ASTN2: variants seen among roughly 807,000 people sequenced by gnomAD.
The protein encoded by ASTN2 is astrotactin-2.
In ASTN2, 54 loss-of-function variants were observed where a neutral mutation model predicts 139.8. The observed-to-expected ratio is 0.39, with a 90% CI of 0.31 to 0.48. ASTN2 has a LOEUF of 0.48. Ranked by LOEUF, ASTN2 falls within the 20% of genes least tolerant of loss-of-function variation. ASTN2 has a pLI of 0.95. For missense variants in ASTN2, 1,565 were observed against 1,725.1 expected, an observed-to-expected ratio of 0.91 and a Z score of 1.64; for synonymous variants, 756 against 719.5, an observed-to-expected ratio of 1.05 and a Z score of -0.81.
chr9:116,728,880 C>T, intron 15 of ASTN2, 112 bp downstream of exon 15: 1 of 857,632 alleles, frequency 1.2e-6, no homozygotes, highest in East Asian at 2.7e-5. Flanking sequence ...AGGATGCATC[C>T]TCATTTCCTC....
intron 5 of ASTN2, among the ~76,000 whole-genome samples, chr9:117,053,308 T>C (rs1275429878): frequency 6.6e-6 from 1 of 151,942 alleles, no homozygotes; most frequent in Non-Finnish European, 1.5e-5. Context: ...AAAAACTAGC[T>C]GGATGTGGTT....
chr9:116,900,330 A>G (rs1186802788), intron 10 of ASTN2, among the ~76,000 whole-genome samples: 2 of 152,134 alleles, frequency 1.3e-5, no homozygotes, highest in East Asian at 3.9e-4. Flanking sequence ...GAAAGAAGAC[A>G]TCAAGATTCA....
rs112568284 is a variant in ASTN2 at position 116,809,376 on chromosome 9, G to T, written c.2208-3556C>A. Among the ~76,000 whole-genome samples, 1,076 of 151,616 alleles carry T rather than the reference G, an allele frequency of 7.1e-3. 13 individuals are homozygous for T. The highest frequency in any genetic ancestry group is 0.025 in the African/African-American group (1,015 of 41,344). ...TTGAAATGTTATTTTTTTTTTACAC[G>T]TGCAATCCCTACATATGCCATATAT... On this transcript the variant is annotated intron_variant, in intron 12 of 22. Transcript: ENST00000313400.
chr9:117,394,072 C>G (rs970111302), intron 1 of ASTN2, among the ~76,000 whole-genome samples: 3 of 152,166 alleles, frequency 2.0e-5, no homozygotes, highest in African/African-American at 7.2e-5. Flanking sequence ...TTGCCTTAAA[C>G]TTGCATTTTC....
intron 17 of ASTN2, among the ~76,000 whole-genome samples, chr9:116,634,743 T>C (rs933881208): frequency 2.0e-5 from 3 of 152,192 alleles, no homozygotes; most frequent in South Asian, 2.1e-4. Context: ...GAAAACAATA[T>C]GGCACTGGAA....
At chr9:116,911,811 C>T (rs1471979051) in intron 10 of ASTN2, among the ~76,000 whole-genome samples, 4 of 152,176 alleles carry the variant, frequency 2.6e-5, no homozygotes, top group Non-Finnish European at 4.4e-5. Flanking sequence ...AGGAGAATGA[C>T]GTGAACCCAG....
At chr9:117,067,803 CTGTT>C (rs1169816599) in intron 5 of ASTN2, among the ~76,000 whole-genome samples, 3 of 98,982 alleles carry the variant, frequency 3.0e-5, no homozygotes, top group Non-Finnish European at 6.9e-5. Context: ...ATTTGGCTCT[CTGTT>C]TGTCTGTTGT....
intron 3 of ASTN2, among the ~76,000 whole-genome samples, chr9:117,178,373 G>A (rs1192281849): frequency 6.6e-6 from 1 of 152,228 alleles, no homozygotes; most frequent in African/African-American, 2.4e-5. Flanking sequence ...AAGGAGATGG[G>A]TAGGGAAGTG....
intron 19 of ASTN2, among the ~76,000 whole-genome samples, chr9:116,503,294 C>T (rs1410503269): frequency 6.6e-6 from 1 of 151,846 alleles, no homozygotes; most frequent in Non-Finnish European, 1.5e-5. Flanking sequence ...CACCGCTACT[C>T]GGGGCAGATG....
chr9:117,255,395 C>T (rs1299186747), intron 2 of ASTN2, among the ~76,000 whole-genome samples: 1 of 152,202 alleles, frequency 6.6e-6, no homozygotes, highest in Non-Finnish European at 1.5e-5. Context: ...ACTTTTAACC[C>T]ACACTGTTCC....
At chr9:116,693,194 G>A (rs1420700334) in intron 16 of ASTN2, among the ~76,000 whole-genome samples, 1 of 152,124 alleles carries the variant, frequency 6.6e-6, no homozygotes, top group African/African-American at 2.4e-5. Flanking sequence ...ATCAGGCTAA[G>A]TACTTTATAT....
At chr9:116,789,087 C>T (rs1330573396) in intron 13 of ASTN2, among the ~76,000 whole-genome samples, 1 of 152,118 alleles carries the variant, frequency 6.6e-6, no homozygotes, top group Non-Finnish European at 1.5e-5. Context: ...CTCACTAACT[C>T]CTAAGAAGTA....
chr9:117,143,433 G>C (rs989148056), intron 3 of ASTN2, among the ~76,000 whole-genome samples: 2 of 152,164 alleles, frequency 1.3e-5, no homozygotes, highest in South Asian at 4.1e-4. Flanking sequence ...GCTATACTTT[G>C]GTCAAAAGTC....
At chr9:117,267,426 G>T (rs1833961980) in intron 2 of ASTN2, among the ~76,000 whole-genome samples, 1 of 152,124 alleles carries the variant, frequency 6.6e-6, no homozygotes, top group African/African-American at 2.4e-5. Flanking sequence ...ACAGGGGAAA[G>T]CTCAGAAAGA....
intron 2 of ASTN2, among the ~76,000 whole-genome samples, chr9:117,219,898 T>C (rs1453355724): frequency 6.6e-6 from 1 of 152,132 alleles, no homozygotes; most frequent in Non-Finnish European, 1.5e-5. Flanking sequence ...GGCAGAGTGC[T>C]CTGATGGGGA....
At chr9:117,045,710 A>C (rs1300389179) in intron 5 of ASTN2, among the ~76,000 whole-genome samples, 1 of 152,176 alleles carries the variant, frequency 6.6e-6, no homozygotes, top group African/African-American at 2.4e-5. Context: ...TTTATAATGA[A>C]AAAATAGATC....
chr9:117,003,953 C>CGCGCGCGCGCGCGCGTGTGTGTGT (rs1218309835), intron 7 of ASTN2, among the ~76,000 whole-genome samples: 7 of 146,226 alleles, frequency 4.8e-5, no homozygotes, highest in African/African-American at 1.8e-4. Context: ...CGCGCGCGCG[C>CGCGCGCGCGCGCGCGTGTGTGTGT]GTGTGTGTGT....
intron 16 of ASTN2, among the ~76,000 whole-genome samples, chr9:116,723,807 G>T (rs929185291): frequency 6.6e-6 from 1 of 152,176 alleles, no homozygotes; most frequent in East Asian, 1.9e-4. Flanking sequence ...TGCATCCTCT[G>T]TCCTTTTCTT....
intron 3 of ASTN2, among the ~76,000 whole-genome samples, chr9:117,204,770 C>T (rs1246657323): frequency 6.6e-6 from 1 of 152,090 alleles, no homozygotes; most frequent in Non-Finnish European, 1.5e-5. Flanking sequence ...AAACAAACAA[C>T]AACAAAAAGA....
Sources: gnomAD v4.1 joint callset for allele counts (sites outside exome capture counted in the v4.1 genomes callset) on GRCh38, gnomAD v4.1.1 for gene constraint, MANE v1.5 for transcripts, NCBI Gene and HGNC (gene_info 2026-07-23, HGNC 2026-07-21) for gene names.